The following PCDHGA1 variants were observed in gnomAD, a reference collection of about 807,000 sequenced individuals.
The protein encoded by PCDHGA1 is protocadherin gamma subfamily A, 1, also known as protocadherin gamma-A1.
PCDHGA1 carries 32 observed loss-of-function variants against 58.0 expected under a neutral mutation model. The ratio of observed to expected loss-of-function variants is 0.55; its 90% CI spans 0.42 to 0.74. The LOEUF (loss-of-function observed/expected upper bound fraction) is 0.74, where lower values mean the gene tolerates loss of function less well. PCDHGA1 is among the 30% of genes least tolerant of loss of function. The probability of loss-of-function intolerance (pLI) is 0.00; values close to 1 mark genes in which losing one functional copy is unlikely to be tolerated. For missense variants in PCDHGA1, 1,205 were observed against 1,182.3 expected (o/e 1.02, Z -0.28); for synonymous variants, 498 against 501.1 (o/e 0.99, Z 0.08).
intron 1 of PCDHGA1, chr5:141,356,210 T>C (rs1037519261): frequency 6.2e-7 from 1 of 1,605,038 alleles, no homozygotes; most frequent in Non-Finnish European, 8.5e-7. Context: ...CTGGTGACAG[T>C]TCTGGATGAA....
Position 141,361,948 on chromosome 5 carries a change from T to A in PCDHGA1, c.2421+28843T>A, listed in dbSNP as rs746757947. The stretch of plus-strand genomic sequence containing the variant: ...AGACTCAGGACACAACGCTTGGCTG[T>A]CCTACCACGTGCTGCAGGCCAGCGA... On this transcript the variant is annotated intron_variant, in intron 1 of 3. Coordinates refer to ENST00000517417, the MANE Select transcript of PCDHGA1 (RefSeq NM_018912.3). The A allele has an allele frequency of 2.6e-5, 42 of 1,604,118 alleles. No homozygotes were observed. The highest frequency in any genetic ancestry group is 5.5e-5 in the South Asian group (5 of 90,876).
Position 141,340,856 on chromosome 5 carries a change from G to T in PCDHGA1, c.2421+7751G>T. On this transcript the variant is annotated intron_variant, in intron 1 of 3. Coordinates refer to ENST00000517417, the MANE Select transcript of PCDHGA1 (RefSeq NM_018912.3). ...TCTGCACACGGGCGAGGTGCGCACG[G>T]CGCGAGCCCTGCTGGACAGAGACGC... is the stretch of plus-strand genomic sequence containing the variant. 1 of 1,613,640 alleles carries T rather than the reference G, an allele frequency of 6.2e-7. No individual in the cohort carries two copies. Among genetic ancestry groups the T allele is most frequent in the Non-Finnish European group, 8.5e-7 (1 of 1,179,920 alleles).
At chr5:141,428,230 C>A in intron 1 of PCDHGA1, 1 of 1,073,982 alleles carries the variant, frequency 9.3e-7, no homozygotes, top group Non-Finnish European at 1.4e-6. Flanking sequence ...CGCAGACAGC[C>A]TGCAGGAGGC....
rs1255384394 is a variant in PCDHGA1, at chr5:141,343,898, C to A, written c.2421+10793C>A. The A allele has an allele frequency of 6.3e-6, 5 of 789,218 alleles. No homozygotes were observed. The South Asian group carries it at 7.4e-5, about 12-fold the overall frequency. The allele number at this position is 789,218 out of a possible 1,614,324, so 48.9% of individuals were successfully genotyped here. On this transcript the variant is annotated intron_variant, in intron 1 of 3. Coordinates refer to ENST00000517417, the MANE Select transcript of PCDHGA1 (RefSeq NM_018912.3). Reference sequence around the variant, plus strand: ...TCAGAAGATCCGGGGCGGCTGCCAACCTCACCTCTTAGTCAACCAGCTGTT... The same window carrying A: ...TCAGAAGATCCGGGGCGGCTGCCAAACTCACCTCTTAGTCAACCAGCTGTT...
At chr5:141,366,835 A>C (rs1011938968) in intron 1 of PCDHGA1, 2 of 1,511,404 alleles carry the variant, frequency 1.3e-6, no homozygotes, top group Non-Finnish European at 1.8e-6. Flanking sequence ...AGAATCAGCT[A>C]GTTATGTAAA....
chr5:141,510,435 C>T (rs938448523), intron 3 of PCDHGA1, among the ~76,000 whole-genome samples: 2 of 152,108 alleles, frequency 1.3e-5, no homozygotes, highest in Non-Finnish European at 2.9e-5. Context: ...ATGGCTGCTG[C>T]CCTCCAGGAG....
intron 1 of PCDHGA1, chr5:141,385,009 T>G: frequency 6.2e-7 from 1 of 1,614,140 alleles, no homozygotes; most frequent in Non-Finnish European, 8.5e-7. Flanking sequence ...CTCCTGCGTC[T>G]TCCTAGCCTT....
At chr5:141,367,536 C>CG (rs1376897976) in intron 1 of PCDHGA1, 1 of 106,510 alleles carries the variant, frequency 9.4e-6, no homozygotes, top group Admixed American at 1.0e-4. Flanking sequence ...GACTCCGTCT[C>CG]AAAATAAATA....
chr5:141,349,205 C>T (rs141929057), intron 1 of PCDHGA1, among the ~76,000 whole-genome samples: 5 of 151,126 alleles, frequency 3.3e-5, no homozygotes, highest in African/African-American at 9.8e-5. Flanking sequence ...GAGTAGCTGG[C>T]GTTACAGGTA....
chr5:141,502,784 G>C (rs185608958), intron 2 of PCDHGA1, among the ~76,000 whole-genome samples: 1 of 151,804 alleles, frequency 6.6e-6, no homozygotes, highest in Non-Finnish European at 1.5e-5. Flanking sequence ...AAATTACCTG[G>C]ATGATTTCTT....
intron 1 of PCDHGA1, chr5:141,400,054 C>G: frequency 6.2e-7 from 1 of 1,613,622 alleles, no homozygotes; most frequent in Non-Finnish European, 8.5e-7. Flanking sequence ...GGTTGCTGTG[C>G]GTGATGGTGG....
At position 141,341,560 on chromosome 5, in the gene PCDHGA1, C is replaced by A. The variant is rs1186887820; in HGVS notation, c.2421+8455C>A. ...CTTGGTAGGTCTTAGTGTTCACAGG[C>A]TGTAAGAGGAAGAAGAGACGTGAGA... On this transcript the variant is annotated intron_variant, in intron 1 of 3. Coordinates refer to ENST00000517417, the MANE Select transcript of PCDHGA1 (RefSeq NM_018912.3). 10 of 1,340,820 alleles carry A rather than the reference C, an allele frequency of 7.5e-6. No homozygotes were observed. In the Admixed American group the frequency reaches 2.5e-4, roughly 33 times the overall value. The allele number at this position is 1,340,820 out of a possible 1,614,324, so 83.1% of individuals were successfully genotyped here. A position where few individuals can be genotyped will look rare whatever the true frequency, so the allele number is the denominator to read the frequency against.
At chr5:141,451,468 C>G (rs2098716484) in intron 1 of PCDHGA1, among the ~76,000 whole-genome samples, 1 of 152,202 alleles carries the variant, frequency 6.6e-6, no homozygotes, top group South Asian at 2.1e-4. Context: ...AGGTCTACCT[C>G]AGTTCCTTGC....
intron 1 of PCDHGA1, chr5:141,404,335 C>G (rs2094514976): frequency 1.2e-6 from 2 of 1,613,936 alleles, no homozygotes; most frequent in Non-Finnish European, 1.7e-6. Context: ...CAGTCTACCT[C>G]CCGGAAAACA....
chr5:141,344,214 G>A, intron 1 of PCDHGA1: 1 of 1,614,026 alleles, frequency 6.2e-7, no homozygotes, highest in Non-Finnish European at 8.5e-7. Flanking sequence ...GGAGCTGGCG[G>A]AGCGCGGAGT....
At position 141,383,558 on chromosome 5, in the gene PCDHGA1, C is replaced by T. The variant is rs374657057; in HGVS notation, c.2421+50453C>T. Reference sequence around the variant, plus strand: ...CTCACAGCCTCTGATGGCGGCGACCCGCCCCGATCCAGCACCGCCCACATC... The same window carrying T: ...CTCACAGCCTCTGATGGCGGCGACCTGCCCCGATCCAGCACCGCCCACATC... On this transcript the variant is annotated intron_variant, in intron 1 of 3. Coordinates refer to ENST00000517417, the MANE Select transcript of PCDHGA1 (RefSeq NM_018912.3). 17 of 1,612,704 alleles carry T rather than the reference C, an allele frequency of 1.1e-5. No homozygotes were observed. The African/African-American group carries it at 2.0e-4, about 19-fold the overall frequency.
At chr5:141,360,412 G>A in intron 1 of PCDHGA1, 1 of 1,613,978 alleles carries the variant, frequency 6.2e-7, no homozygotes, top group Non-Finnish European at 8.5e-7. Flanking sequence ...AATAGACCGA[G>A]AACAGATATG....
rs751177252 is a variant in PCDHGA1 at position 141,415,407 on chromosome 5, T to G, written c.2422-79400T>G. The G allele has an allele frequency of 1.9e-6, 3 of 1,614,086 alleles. No homozygotes were observed. The African/African-American group carries it at 4.0e-5, about 22-fold the overall frequency. ...TGACAGGTGTGTCCGGCTCGCACTTTGTGGGCGTGGACGGGGTTCGGGCTT... is the reference window on the plus strand; with the variant it reads ...TGACAGGTGTGTCCGGCTCGCACTTGGTGGGCGTGGACGGGGTTCGGGCTT... On this transcript the variant is annotated intron_variant, in intron 1 of 3. Transcript: ENST00000517417.
At chr5:141,426,720 A>T (rs1448232477) in intron 1 of PCDHGA1, 4 of 447,600 alleles carry the variant, frequency 8.9e-6, no homozygotes, top group Non-Finnish European at 1.8e-5. Flanking sequence ...TGAACTAGCA[A>T]TTCCAGGCAT....
Sources: gnomAD v4.1 joint callset for allele counts (sites outside exome capture counted in the v4.1 genomes callset) on GRCh38, gnomAD v4.1.1 for gene constraint, MANE v1.5 for transcripts, NCBI Gene and HGNC (gene_info 2026-07-23, HGNC 2026-07-21) for gene names.